Variants in KCND2 observed in about 807,000 individuals in gnomAD.
KCND2 encodes potassium voltage-gated channel subfamily D member 2.
A neutral mutation model predicts 54.4 loss-of-function variants in KCND2; 16 were observed. The observed-to-expected ratio is 0.29, with a 90% confidence interval of 0.20 to 0.45. The LOEUF (loss-of-function observed/expected upper bound fraction) is 0.45, where lower values mean the gene tolerates loss of function less well. Ranked by LOEUF, KCND2 falls within the 20% of genes least tolerant of loss-of-function variation. The probability of loss-of-function intolerance (pLI) is 1.00; values close to 1 mark genes in which losing one functional copy is unlikely to be tolerated. For synonymous variants in KCND2, 317 were observed against 310.7 expected, an observed-to-expected ratio of 1.02 and a Z score of -0.21; for missense variants, 486 against 824.2, an observed-to-expected ratio of 0.59 and a Z score of 5.02.
chr7:120,576,282 A>G (rs998947694), intron 1 of KCND2, among the ~76,000 whole-genome samples: 7 of 152,204 alleles, frequency 4.6e-5, no homozygotes, highest in East Asian at 1.9e-4. Flanking sequence ...CAGCAATTAA[A>G]TATTTAGTAG....
chr7:120,699,583 A>G (rs1792375364), intron 1 of KCND2, among the ~76,000 whole-genome samples: 2 of 152,316 alleles, frequency 1.3e-5, no homozygotes, highest in East Asian at 1.9e-4. Context: ...GGAGAGAAAA[A>G]TCCCCCAAGA....
chr7:120,428,137 T>G (rs1218190407), intron 1 of KCND2, among the ~76,000 whole-genome samples: 1 of 152,208 alleles, frequency 6.6e-6, no homozygotes, highest in Admixed American at 6.5e-5. Flanking sequence ...TTTGATGGAA[T>G]AAATATAAGA....
chr7:120,571,289 A>G (rs565829878), intron 1 of KCND2, among the ~76,000 whole-genome samples: 1 of 152,216 alleles, frequency 6.6e-6, no homozygotes, highest in Non-Finnish European at 1.5e-5. Context: ...TATGAATTAA[A>G]GAGAGAAAAA....
Position 120,481,444 on chromosome 7 carries a change from G to C in KCND2, c.1115+205697G>C, listed in dbSNP as rs1193006435. ...AAAGAATGAAAAGGCTGTTTAAAAG[G>C]AAATACTAGGTATTATTGACCATTT... is the stretch of plus-strand genomic sequence containing the variant. On this transcript the variant is annotated intron_variant, in intron 1 of 5. Transcript: ENST00000331113. Among the ~76,000 whole-genome samples, 3 of 152,176 alleles carry C rather than the reference G, an allele frequency of 2.0e-5. No homozygotes were observed. In the East Asian group the frequency reaches 5.8e-4, roughly 29 times the overall value.
At chr7:120,678,762 A>G (rs1792103504) in intron 1 of KCND2, among the ~76,000 whole-genome samples, 1 of 140,782 alleles carries the variant, frequency 7.1e-6, no homozygotes, top group Non-Finnish European at 1.6e-5. Flanking sequence ...ATATATATAT[A>G]TATATATATA....
rs377361565 is a variant in KCND2, at chr7:120,435,265, C to T, written c.1115+159518C>T. Among the ~76,000 whole-genome samples, 121 of 144,580 alleles carry T rather than the reference C, an allele frequency of 8.4e-4. 2 individuals carry two copies. The East Asian group carries it at 0.016, about 19-fold the overall frequency. 94.9% of individuals were successfully genotyped at this position (144,580 alleles called of 152,430 possible). A position where few individuals can be genotyped will look rare whatever the true frequency, so the allele number is the denominator to read the frequency against. On this transcript the variant is annotated intron_variant, in intron 1 of 5. Transcript: ENST00000331113. Reference sequence around the variant, plus strand: ...GGGATTGTAGGCGTGCACCACCATGCCTGGCTTTTTTTTTTTTTTTTTAAT... The same window carrying T: ...GGGATTGTAGGCGTGCACCACCATGTCTGGCTTTTTTTTTTTTTTTTTAAT...
At chr7:120,406,102 AT>A (rs1203598683) in intron 1 of KCND2, among the ~76,000 whole-genome samples, 1 of 151,932 alleles carries the variant, frequency 6.6e-6, no homozygotes, top group Non-Finnish European at 1.5e-5. Context: ...TAATATATTT[AT>A]TTTTTCCCAG....
chr7:120,662,262 A>C (rs1226255449), intron 1 of KCND2, among the ~76,000 whole-genome samples: 2 of 152,204 alleles, frequency 1.3e-5, no homozygotes, highest in South Asian at 4.1e-4. Flanking sequence ...AAATGTGGCC[A>C]TACATTTTTA....
chr7:120,338,840 GTCTAC>G (rs1321085492), intron 1 of KCND2, among the ~76,000 whole-genome samples: 4 of 151,880 alleles, frequency 2.6e-5, no homozygotes, highest in Non-Finnish European at 5.9e-5. Context: ...AAGAACACTA[GTCTAC>G]TAGAAAAGAG....
intron 1 of KCND2, among the ~76,000 whole-genome samples, chr7:120,726,581 C>A (rs562583089): frequency 6.6e-6 from 1 of 152,308 alleles, no homozygotes; most frequent in Admixed American, 6.5e-5. Flanking sequence ...ATAATTTAAA[C>A]GCACATAGAC....
chr7:120,368,712 A>G (rs1056182183), intron 1 of KCND2, among the ~76,000 whole-genome samples: 3 of 152,132 alleles, frequency 2.0e-5, no homozygotes, highest in Non-Finnish European at 2.9e-5. Flanking sequence ...GAAGATGTTT[A>G]TAGGAAATTT....
At chr7:120,408,521 G>T (rs1380176054) in intron 1 of KCND2, among the ~76,000 whole-genome samples, 4 of 151,876 alleles carry the variant, frequency 2.6e-5, no homozygotes, top group Non-Finnish European at 4.4e-5. Flanking sequence ...AACAGCAAGG[G>T]TATGATCTGA....
At chr7:120,459,246 G>A (rs1285759797) in intron 1 of KCND2, among the ~76,000 whole-genome samples, 1 of 152,042 alleles carries the variant, frequency 6.6e-6, no homozygotes, top group Non-Finnish European at 1.5e-5. Flanking sequence ...TTCCGACATA[G>A]GATCTGTGCT....
intron 1 of KCND2, among the ~76,000 whole-genome samples, chr7:120,494,310 G>T (rs1474967013): frequency 6.6e-6 from 1 of 152,060 alleles, no homozygotes; most frequent in East Asian, 1.9e-4. Flanking sequence ...AGTATGCACT[G>T]CATATGTTTA....
chr7:120,541,441 A>G (rs964294589), intron 1 of KCND2, among the ~76,000 whole-genome samples: 7 of 152,220 alleles, frequency 4.6e-5, no homozygotes, highest in African/African-American at 1.7e-4. Context: ...TCCATCTTTA[A>G]TGTGAGTCTT....
chr7:120,462,600 T>TTA (rs1802299328), intron 1 of KCND2, among the ~76,000 whole-genome samples: 2 of 152,054 alleles, frequency 1.3e-5, no homozygotes, highest in African/African-American at 2.4e-5. Context: ...TTTTAAAGTG[T>TTA]AATATTAAAG....
At chr7:120,298,126 A>T (rs2116289594) in intron 1 of KCND2, among the ~76,000 whole-genome samples, 1 of 152,298 alleles carries the variant, frequency 6.6e-6, no homozygotes, top group East Asian at 1.9e-4. Context: ...TTGTTACTAC[A>T]TCTTAACAGA....
At chr7:120,578,690 C>T (rs543536667) in intron 1 of KCND2, among the ~76,000 whole-genome samples, 13 of 152,018 alleles carry the variant, frequency 8.6e-5, no homozygotes, top group Non-Finnish European at 1.9e-4. Context: ...GTAGTGAAAC[C>T]CCATCTCTAA....
chr7:120,322,084 G>A (rs1799899676), intron 1 of KCND2, among the ~76,000 whole-genome samples: 1 of 151,404 alleles, frequency 6.6e-6, no homozygotes, highest in South Asian at 2.1e-4. Context: ...TAAAAACAAA[G>A]TAAAAAATCA....
Sources: gnomAD v4.1 joint callset for allele counts (sites outside exome capture counted in the v4.1 genomes callset) on GRCh38, gnomAD v4.1.1 for gene constraint, MANE v1.5 for transcripts, NCBI Gene and HGNC (gene_info 2026-07-23, HGNC 2026-07-21) for gene names.